The following IMPG1 variants were observed in gnomAD, a reference collection of about 807,000 sequenced individuals.
The protein encoded by IMPG1 is interphotoreceptor matrix proteoglycan of 150 kDa.
Under a neutral mutation model 92.0 loss-of-function variants are expected in IMPG1, and 85 were observed. The observed-to-expected ratio is 0.92, with a 90% CI of 0.78 to 1.11. The LOEUF (loss-of-function observed/expected upper bound fraction) is 1.11. Among genes scored for constraint, IMPG1 ranks in the 50% least tolerant of loss-of-function variants. IMPG1 has a pLI of 0.00. For synonymous variants in IMPG1, 367 were observed against 334.1 expected (o/e 1.10, Z -1.08); for missense variants, 1,022 against 956.0 (o/e 1.07, Z -0.91).
intron 1 of IMPG1, among the ~76,000 whole-genome samples, chr6:76,070,429 T>C (rs1343050613): frequency 6.6e-6 from 1 of 152,048 alleles, no homozygotes; most frequent in Non-Finnish European, 1.5e-5. Context: ...GAACCAAAAA[T>C]AGAACTACCC....
intron 1 of IMPG1, among the ~76,000 whole-genome samples, chr6:76,069,686 C>T (rs1784374300): frequency 6.6e-6 from 1 of 151,696 alleles, no homozygotes; most frequent in African/African-American, 2.4e-5. Context: ...AAGTTCATCA[C>T]AGCACTATTC....
At chr6:76,043,849 C>T (rs945144909) in intron 1 of IMPG1, among the ~76,000 whole-genome samples, 3 of 152,182 alleles carry the variant, frequency 2.0e-5, no homozygotes, top group African/African-American at 4.8e-5. Context: ...TGATGTCATC[C>T]TCGGGCAGGC....
chr6:76,012,517 G>C (rs1783203809), intron 7 of IMPG1, among the ~76,000 whole-genome samples: 1 of 152,176 alleles, frequency 6.6e-6, no homozygotes, highest in Admixed American at 6.5e-5. Context: ...CTAGGCTCTG[G>C]GGACACCGTC....
At chr6:76,041,139 G>GC (rs1783830516) in intron 2 of IMPG1, among the ~76,000 whole-genome samples, 1 of 150,740 alleles carries the variant, frequency 6.6e-6, no homozygotes, top group Non-Finnish European at 1.5e-5. Flanking sequence ...CCAAAGATTT[G>GC]TTTTTTTTTC....
chr6:76,011,254 T>C (rs779331988), intron 7 of IMPG1, 30 bp from the exon 8 acceptor site: 4 of 1,236,332 alleles, frequency 3.2e-6, no homozygotes, highest in Non-Finnish European at 4.8e-6. Flanking sequence ...TGTAAAATAC[T>C]CTTTGGTTCT....
At chr6:76,022,528 T>C (rs372755963) in intron 5 of IMPG1, among the ~76,000 whole-genome samples, 2 of 152,318 alleles carry the variant, frequency 1.3e-5, no homozygotes, top group East Asian at 3.9e-4. Context: ...AAAGGACACA[T>C]AGGCAGATGT....
intron 14 of IMPG1, among the ~76,000 whole-genome samples, chr6:75,933,285 G>T (rs1379699068): frequency 6.6e-6 from 1 of 152,112 alleles, no homozygotes; most frequent in African/African-American, 2.4e-5. Flanking sequence ...CCTCATGATT[G>T]GTGTGTAGAC....
At chr6:75,984,708 T>C (rs1006388297) in intron 12 of IMPG1, among the ~76,000 whole-genome samples, 2 of 152,180 alleles carry the variant, frequency 1.3e-5, no homozygotes, top group Non-Finnish European at 2.9e-5. Flanking sequence ...AGTGTTGGAG[T>C]TGGGGTCTGG....
intron 2 of IMPG1, among the ~76,000 whole-genome samples, chr6:76,038,683 G>C (rs1025312544): frequency 1.3e-5 from 2 of 152,176 alleles, no homozygotes; most frequent in African/African-American, 4.8e-5. Context: ...TGCTGGGAGG[G>C]ACTGCCACAG....
intron 14 of IMPG1, among the ~76,000 whole-genome samples, chr6:75,942,104 G>A (rs1184006207): frequency 6.6e-6 from 1 of 152,160 alleles, no homozygotes; most frequent in African/African-American, 2.4e-5. Flanking sequence ...TTTTGCTATA[G>A]TTGACTATCC....
chr6:75,944,744 T>C (rs1377114859), intron 14 of IMPG1, among the ~76,000 whole-genome samples: 3 of 152,268 alleles, frequency 2.0e-5, no homozygotes, highest in Non-Finnish European at 4.4e-5. Flanking sequence ...GTAGTTACCA[T>C]GTGTAGTCAT....
chr6:76,002,479 T>C (rs1450100599), intron 12 of IMPG1, among the ~76,000 whole-genome samples: 1 of 152,220 alleles, frequency 6.6e-6, no homozygotes, highest in East Asian at 1.9e-4. Flanking sequence ...ATAGTCAGCA[T>C]GTAAAAGGCA....
At chr6:75,993,410 C>G (rs1474074393) in intron 12 of IMPG1, among the ~76,000 whole-genome samples, 4 of 152,000 alleles carry the variant, frequency 2.6e-5, no homozygotes, top group African/African-American at 9.7e-5. Flanking sequence ...TGAGGTCACT[C>G]TTCTTAGTTT....
At chr6:75,964,047 G>C (rs1421812041) in intron 12 of IMPG1, among the ~76,000 whole-genome samples, 1 of 152,152 alleles carries the variant, frequency 6.6e-6, no homozygotes, top group East Asian at 1.9e-4. Context: ...AGATGCTTTG[G>C]GGAAAAAGCA....
At chr6:76,011,565 T>A (rs966647440) in intron 7 of IMPG1, among the ~76,000 whole-genome samples, 1 of 151,902 alleles carries the variant, frequency 6.6e-6, no homozygotes, top group Non-Finnish European at 1.5e-5. Context: ...GAAACTTTTT[T>A]ATTTTATTTT....
chr6:75,993,316 TG>T (rs896149362), intron 12 of IMPG1, among the ~76,000 whole-genome samples: 3 of 152,186 alleles, frequency 2.0e-5, no homozygotes, highest in Non-Finnish European at 2.9e-5. Context: ...CATAGATCAA[TG>T]ACTCAAACAA....
intron 7 of IMPG1, 68 bp downstream of exon 7, chr6:76,018,650 T>A: frequency 1.4e-6 from 2 of 1,458,382 alleles, no homozygotes; most frequent in South Asian, 1.3e-5. Flanking sequence ...CGTAAGGGTT[T>A]ATGTCCTATC....
chr6:76,015,618 C>A (rs535365315), intron 7 of IMPG1, among the ~76,000 whole-genome samples: 1 of 151,784 alleles, frequency 6.6e-6, no homozygotes, highest in African/African-American at 2.4e-5. Flanking sequence ...TTGATCAACA[C>A]GGTGAACTCC....
chr6:75,968,912 T>A (rs933217327), intron 12 of IMPG1, among the ~76,000 whole-genome samples: 1 of 152,188 alleles, frequency 6.6e-6, no homozygotes, highest in Non-Finnish European at 1.5e-5. Flanking sequence ...ACCTAGTCTG[T>A]GATATGAAAT....
Sources: allele counts gnomAD v4.1 joint callset (sites outside exome capture counted in the v4.1 genomes callset), GRCh38; gene constraint gnomAD v4.1.1; transcripts MANE v1.5; gene names NCBI Gene and HGNC (gene_info 2026-07-23, HGNC 2026-07-21).